IL31RA: variants seen among roughly 807,000 people sequenced by gnomAD.
IL31RA encodes interleukin 31 receptor A, also known as interleukin-31 receptor subunit alpha.
IL31RA carries 66 observed loss-of-function variants against 83.7 expected under a neutral mutation model. The observed-to-expected ratio is 0.79, with a 90% CI of 0.65 to 0.97. The LOEUF is 0.97. Among genes scored for constraint, IL31RA ranks in the 50% least tolerant of loss-of-function variants. The pLI is 0.00. For missense variants in IL31RA, 798 were observed against 919.4 expected (o/e 0.87, Z 1.71); for synonymous variants, 325 against 329.0 (o/e 0.99, Z 0.13).
chr5:55,902,947 G>A (rs1580730096), intron 8 of IL31RA, among the ~76,000 whole-genome samples: 2 of 152,156 alleles, frequency 1.3e-5, no homozygotes, highest in Non-Finnish European at 1.5e-5. Flanking sequence ...ATTCCAGCTC[G>A]GATCTGCAGG....
At chr5:55,856,144 G>A (rs1745350563) in intron 1 of IL31RA, among the ~76,000 whole-genome samples, 2 of 152,188 alleles carry the variant, frequency 1.3e-5, no homozygotes, top group Admixed American at 6.5e-5. Flanking sequence ...TGATCTGCCT[G>A]CCTTGGCCTC....
chr5:55,878,990 T>G (rs531015193), intron 4 of IL31RA, among the ~76,000 whole-genome samples: 1 of 152,264 alleles, frequency 6.6e-6, no homozygotes, highest in Non-Finnish European at 1.5e-5. Flanking sequence ...CAAAGAGTCT[T>G]ACCCAGTTTC....
chr5:55,874,051 G>C (rs2112392460), intron 4 of IL31RA, among the ~76,000 whole-genome samples: 1 of 152,030 alleles, frequency 6.6e-6, no homozygotes, highest in African/African-American at 2.4e-5. Flanking sequence ...TCCATTTTGA[G>C]TTAATTTTTG....
Position 55,919,472 on chromosome 5 carries a change from A to C in IL31RA, c.*2352A>C, listed in dbSNP as rs1051253920. ...AGCGTCTTTTGCTGGACAATTTGCA[A>C]ATCCCCACCCAGCCCTTCCTGTTTC... On this transcript the variant is annotated 3_prime_UTR_variant, in exon 15 of 15. Coordinates refer to ENST00000652347, the MANE Select transcript of IL31RA (RefSeq NM_139017.7). Among the ~76,000 whole-genome samples the C allele has an allele frequency of 6.6e-6, 1 of 151,898 alleles. No individual in the cohort carries two copies. Among genetic ancestry groups the C allele is most frequent in the Non-Finnish European group, 1.5e-5 (1 of 67,938 alleles).
At chr5:55,849,001 G>A (rs896155845), upstream of IL31RA, among the ~76,000 whole-genome samples, 4 of 152,238 alleles carry the variant, frequency 2.6e-5, no homozygotes, top group African/African-American at 9.6e-5. Context: ...GACTGAGAAT[G>A]ACATCTATTT....
the IL31RA span, among the ~76,000 whole-genome samples, chr5:55,841,996 T>C: frequency 1.3e-5 from 2 of 151,844 alleles, no homozygotes; most frequent in African/African-American, 4.8e-5. Flanking sequence ...CCCAAGCTGG[T>C]GTTGAACTCC....
At chr5:55,848,272 T>A (rs972438095), upstream of IL31RA, among the ~76,000 whole-genome samples, 1 of 152,222 alleles carries the variant, frequency 6.6e-6, no homozygotes, top group Non-Finnish European at 1.5e-5. Context: ...TAAGGAAAAT[T>A]AGTCTCTTCT....
Position 55,859,576 on chromosome 5 carries a change from C to T in IL31RA, c.131C>T (p.Ser44Leu), listed in dbSNP as rs140536651. The change falls in exon 2 of 15, where the codon TCA becomes TTA. Residue 44 changes from serine to leucine, a missense_variant. Coordinates refer to ENST00000652347, the MANE Select transcript of IL31RA (RefSeq NM_139017.7). ...ACCTGGGCACTGTGGATGCTCCCCT[C>T]ACTCTGCAAATTCAGCCTGGCAGGT... is the stretch of plus-strand genomic sequence containing the variant. ...MWTWALWMLP[S>L]LCKFSLAALP... is the part of the protein sequence containing the mutation. 6.9e-4 allele frequency: 1,114 copies of T among 1,612,090 alleles called. 8 individuals are homozygous for T. In the African/African-American group the frequency reaches 0.014, roughly 20 times the overall value.
chr5:55,896,412 G>A lies in IL31RA; in HGVS notation c.835G>A (p.Val279Met). The change falls in exon 7 of 15, where the codon GTG becomes ATG. Residue 279 changes from valine (V) to methionine (M), a missense_variant. Transcript: ENST00000652347. ...AGCTGAGGCGGATGGAAGAAGGCCA[G>A]TGCGGTTGTTATGGAAGGTGACCTC... ...KPAEADGRRP[V>M]RLLWKKARGA... 1 of 1,613,022 alleles carries A rather than the reference G, an allele frequency of 6.2e-7. No individual in the cohort carries two copies. Among genetic ancestry groups the A allele is most frequent in the Non-Finnish European group, 8.5e-7 (1 of 1,179,138 alleles).
intron 12 of IL31RA, 58 bp from the exon 13 acceptor site, chr5:55,913,419 G>T: frequency 9.4e-7 from 1 of 1,058,608 alleles, no homozygotes; most frequent in South Asian, 1.3e-5. Flanking sequence ...GTTAATCATT[G>T]ATTTTTGTCA....
At chr5:55,916,171 A>G (rs183814111) in intron 14 of IL31RA, among the ~76,000 whole-genome samples, 1 of 152,286 alleles carries the variant, frequency 6.6e-6, no homozygotes, top group Admixed American at 6.5e-5. Flanking sequence ...GCTTGAGCTC[A>G]GGAGTTTAAG....
chr5:55,846,686 A>C (rs1363723329), upstream of IL31RA, among the ~76,000 whole-genome samples: 1 of 152,072 alleles, frequency 6.6e-6, no homozygotes, highest in Non-Finnish European at 1.5e-5. Context: ...AATCTCAGCT[A>C]CTTGGGAGGC....
chr5:55,914,580 G>A (rs991957219), intron 13 of IL31RA, among the ~76,000 whole-genome samples: 4 of 152,170 alleles, frequency 2.6e-5, no homozygotes, highest in Non-Finnish European at 4.4e-5. Context: ...GACCAGGTAT[G>A]GAGATGCTGG....
chr5:55,887,477 C>T (rs1364896990), intron 5 of IL31RA, among the ~76,000 whole-genome samples: 4 of 152,180 alleles, frequency 2.6e-5, no homozygotes, highest in East Asian at 3.9e-4. Flanking sequence ...CAGTGGCTCA[C>T]GCCTGTAATC....
intron 2 of IL31RA, among the ~76,000 whole-genome samples, chr5:55,864,654 C>T (rs1745917428): frequency 6.6e-6 from 1 of 150,954 alleles, no homozygotes; most frequent in South Asian, 2.1e-4. Flanking sequence ...CCAACACGCT[C>T]CAGCGGACAC....
Position 55,908,428 on chromosome 5 carries a change from C to T in IL31RA, c.1501+17C>T, listed in dbSNP as rs371760112. ...AAGGATTCTGTAAGCACGCCCATAGCGAAGTGGAAAAAAACCCCAAGCCCC... is the reference window on the plus strand; with the variant it reads ...AAGGATTCTGTAAGCACGCCCATAGTGAAGTGGAAAAAAACCCCAAGCCCC... On this transcript the variant is annotated intron_variant, in intron 11 of 14. Transcript: ENST00000652347. 1.4e-4 allele frequency: 224 copies of T among 1,614,144 alleles called. No individual in the cohort carries two copies. Among genetic ancestry groups the T allele is most frequent in the Non-Finnish European group, 1.7e-4 (196 of 1,180,034 alleles).
Position 55,910,605 on chromosome 5 carries a change from G to T in IL31RA, c.1575G>T (p.Gln525His). 1 of 1,614,144 alleles carries T rather than the reference G, an allele frequency of 6.2e-7. No homozygotes were observed. Among genetic ancestry groups the T allele is most frequent in the Non-Finnish European group, 8.5e-7 (1 of 1,180,000 alleles). ...AACGAAAGACCTCTTACATTGTTCA[G>T]GTCATGGCCAGCACCAGTGCTGGGG... ...SLKRKTSYIV[Q>H]VMASTSAGGT... Residue 525 changes from glutamine (Q) to histidine (H), a missense_variant, in exon 12 of 15, where the codon CAG (glutamine) becomes CAT (histidine). Gln to His is a conservative substitution (Grantham distance 24). Coordinates refer to ENST00000652347, the MANE Select transcript of IL31RA (RefSeq NM_139017.7).
chr5:55,915,045 G>A (rs1749710173), intron 14 of IL31RA, 117 bp downstream of exon 14: 1 of 797,392 alleles, frequency 1.3e-6, no homozygotes. Context: ...AAGAGAACTG[G>A]AGTTGAAAAG....
Position 55,910,650 on chromosome 5 carries a change from A to T in IL31RA, c.1620A>T (p.Ile540=), listed in dbSNP as rs775244676. Residue 540 remains isoleucine, a synonymous_variant, in exon 12 of 15, where the codon ATA becomes ATT. Coordinates refer to ENST00000652347, the MANE Select transcript of IL31RA (RefSeq NM_139017.7). The part of the protein sequence containing the change: ...TSAGGTNGTS[I]NFKTLSFSVF... ...CTGGGGGAACCAACGGGACCAGCAT[A>T]AATTTCAAGACATTGTCATTCAGTG... 2 of 1,614,228 alleles carry T rather than the reference A, an allele frequency of 1.2e-6. No homozygotes were observed.
Sources: allele counts gnomAD v4.1 joint callset (sites outside exome capture counted in the v4.1 genomes callset), GRCh38; gene constraint gnomAD v4.1.1; transcripts MANE v1.5; gene names NCBI Gene and HGNC (gene_info 2026-07-23, HGNC 2026-07-21).